Variants in HNF4G observed in about 807,000 individuals in gnomAD.
HNF4G encodes the protein hepatocyte nuclear factor 4-gamma.
HNF4G carries 21 observed loss-of-function variants against 50.9 expected under a neutral mutation model. The observed-to-expected ratio is 0.41, with a 90% CI of 0.29 to 0.59. HNF4G has a LOEUF of 0.59. Ranked by LOEUF, HNF4G falls within the 20% of genes least tolerant of loss-of-function variation. The probability of loss-of-function intolerance (pLI) is 0.26; values close to 1 mark genes in which losing one functional copy is unlikely to be tolerated. For missense variants in HNF4G, 527 were observed against 559.4 expected, an observed-to-expected ratio of 0.94 and a Z score of 0.58; for synonymous variants, 198 against 185.6, an observed-to-expected ratio of 1.07 and a Z score of -0.54.
chr8:75,496,016 A>G (rs1184196221), intron 2 of HNF4G, among the ~76,000 whole-genome samples: 1 of 152,134 alleles, frequency 6.6e-6, no homozygotes, highest in Admixed American at 6.6e-5. Flanking sequence ...TATAGTTATG[A>G]GCAGGTACTA....
At chr8:75,448,697 T>TA (rs938925892) in intron 1 of HNF4G, among the ~76,000 whole-genome samples, 1 of 151,846 alleles carries the variant, frequency 6.6e-6, no homozygotes, top group African/African-American at 2.4e-5. Flanking sequence ...AGAAAATTTT[T>TA]AAAAAACACC....
chr8:75,491,186 C>CA (rs1352922475), intron 2 of HNF4G, among the ~76,000 whole-genome samples: 1 of 152,012 alleles, frequency 6.6e-6, no homozygotes, highest in African/African-American at 2.4e-5. Context: ...ACATCTATCC[C>CA]AAGGATTATT....
rs180860065 is a variant in HNF4G, at chr8:75,420,189, T to C, written c.-144+12027T>C. Among the ~76,000 whole-genome samples the C allele has an allele frequency of 4.1e-4, 63 of 152,336 alleles. No homozygotes were observed. The East Asian group carries it at 0.011, about 28-fold the overall frequency. ...AGAGATCTGCCAATATTAACTTCAA[T>C]TGGGCCTCACATTTTCTACTTATCT... is the stretch of plus-strand genomic sequence containing the variant. On this transcript the variant is annotated intron_variant, in intron 1 of 10. Transcript: ENST00000354370.
At chr8:75,559,910 C>A (rs1050550171) in intron 8 of HNF4G, among the ~76,000 whole-genome samples, 8 of 152,148 alleles carry the variant, frequency 5.3e-5, no homozygotes, top group African/African-American at 1.9e-4. Context: ...GCATTCCAAT[C>A]TAGATTAAAT....
intron 1 of HNF4G, among the ~76,000 whole-genome samples, chr8:75,489,338 T>G (rs1425091850): frequency 6.6e-6 from 1 of 152,190 alleles, no homozygotes; most frequent in East Asian, 1.9e-4. Flanking sequence ...CACAAATTAT[T>G]TATCTGCTCT....
In HNF4G at chr8:75,555,976, A is replaced by G; in HGVS notation, c.646-6A>G. On this transcript the variant is annotated splice_polypyrimidine_tract_variant and splice_region_variant and intron_variant, in intron 5 of 9. Transcript: ENST00000396423. Reference sequence around the variant, plus strand: ...TTAATTGTTAAACTGAGAATTTTTCATTAAGGTGGCACTGTTGAGAGCTCA... The same window carrying G: ...TTAATTGTTAAACTGAGAATTTTTCGTTAAGGTGGCACTGTTGAGAGCTCA... The G allele has an allele frequency of 6.8e-7, 1 of 1,478,252 alleles. No homozygotes were observed. The highest frequency in any genetic ancestry group is 9.1e-7 in the Non-Finnish European group (1 of 1,097,418). 91.6% of individuals were successfully genotyped at this position (1,478,252 alleles called of 1,614,324 possible). A position where few individuals can be genotyped will look rare whatever the true frequency, so the allele number is the denominator to read the frequency against.
chr8:75,474,381 A>C (rs1453164498), intron 1 of HNF4G, among the ~76,000 whole-genome samples: 1 of 152,198 alleles, frequency 6.6e-6, no homozygotes, highest in African/African-American at 2.4e-5. Context: ...AAATTTGTTT[A>C]ATATACTACC....
intron 2 of HNF4G, among the ~76,000 whole-genome samples, chr8:75,498,807 C>T (rs1812849354): frequency 6.6e-6 from 1 of 151,980 alleles, no homozygotes; most frequent in Non-Finnish European, 1.5e-5. Context: ...ATGATCATCT[C>T]AGTAGAAACA....
intron 2 of HNF4G, among the ~76,000 whole-genome samples, chr8:75,520,386 T>G (rs1806007023): frequency 1.3e-5 from 2 of 152,100 alleles, no homozygotes; most frequent in Non-Finnish European, 2.9e-5. Context: ...ACTTTGTAAA[T>G]TTTTAAATTA....
chr8:75,515,318 T>C (rs1805860950), intron 2 of HNF4G, among the ~76,000 whole-genome samples: 1 of 152,214 alleles, frequency 6.6e-6, no homozygotes, highest in African/African-American at 2.4e-5. Flanking sequence ...TTTAGTTTAT[T>C]GATTTGAGAG....
chr8:75,481,280 G>C (rs542021419), intron 1 of HNF4G, among the ~76,000 whole-genome samples: 12 of 152,224 alleles, frequency 7.9e-5, no homozygotes, highest in African/African-American at 2.6e-4. Context: ...CTATACTTGA[G>C]TCAGACACAG....
At chr8:75,448,228 A>G (rs1432405894) in intron 1 of HNF4G, among the ~76,000 whole-genome samples, 36 of 140,420 alleles carry the variant, frequency 2.6e-4, no homozygotes, top group Admixed American at 2.0e-3. Context: ...GTGGGAATTG[A>G]ACAGTGAGAT....
intron 2 of HNF4G, among the ~76,000 whole-genome samples, chr8:75,528,608 T>C (rs545387710): frequency 7.2e-5 from 11 of 152,308 alleles, no homozygotes; most frequent in African/African-American, 2.6e-4. Context: ...CTGTAACATG[T>C]TACAATAATT....
At chr8:75,489,445 AAG>A (rs1462478929) in intron 1 of HNF4G, among the ~76,000 whole-genome samples, 2 of 152,208 alleles carry the variant, frequency 1.3e-5, no homozygotes, top group Non-Finnish European at 2.9e-5. Context: ...TAAAAAACTG[AAG>A]TCACATAGCA....
At chr8:75,447,375 AG>A (rs1313856515) in intron 1 of HNF4G, among the ~76,000 whole-genome samples, 2 of 118,606 alleles carry the variant, frequency 1.7e-5, no homozygotes, top group Non-Finnish European at 3.4e-5. Flanking sequence ...GGCATGGGCA[AG>A]GACTTCATGT....
At chr8:75,515,062 A>G (rs1805854699) in intron 2 of HNF4G, among the ~76,000 whole-genome samples, 1 of 152,114 alleles carries the variant, frequency 6.6e-6, no homozygotes, top group Non-Finnish European at 1.5e-5. Flanking sequence ...CCAGTACTCT[A>G]GTTATTTTAG....
At chr8:75,409,647 C>A (rs1810450360) in intron 1 of HNF4G, among the ~76,000 whole-genome samples, 1 of 151,916 alleles carries the variant, frequency 6.6e-6, no homozygotes, top group Non-Finnish European at 1.5e-5. Flanking sequence ...CACCACCACA[C>A]CCGGCTGATT....
intron 1 of HNF4G, among the ~76,000 whole-genome samples, chr8:75,415,435 G>A (rs1308590777): frequency 2.0e-5 from 3 of 152,098 alleles, no homozygotes; most frequent in East Asian, 3.9e-4. Context: ...GATTTATGAG[G>A]CCTCAATATG....
intron 2 of HNF4G, among the ~76,000 whole-genome samples, chr8:75,534,528 C>T (rs1014995433): frequency 5.9e-5 from 9 of 151,788 alleles, no homozygotes; most frequent in African/African-American, 1.9e-4. Flanking sequence ...TTTTACTCTT[C>T]CTTAGTTTTG....
Sources: gnomAD v4.1 joint callset for allele counts (sites outside exome capture counted in the v4.1 genomes callset) on GRCh38, gnomAD v4.1.1 for gene constraint, MANE v1.5 for transcripts, NCBI Gene and HGNC (gene_info 2026-07-23, HGNC 2026-07-21) for gene names.